NTN1: variants seen among roughly 807,000 people sequenced by gnomAD.
The protein encoded by NTN1 is netrin 1.
Under a neutral mutation model 54.2 loss-of-function variants are expected in NTN1, and 11 were observed. The ratio of observed to expected loss-of-function variants is 0.20; its 90% confidence interval spans 0.13 to 0.34. The LOEUF (loss-of-function observed/expected upper bound fraction) is 0.34. Among genes scored for constraint, NTN1 ranks in the 10% least tolerant of loss-of-function variants. The pLI, the probability that NTN1 is intolerant of heterozygous loss-of-function variation, is 1.00. For synonymous variants in NTN1, 371 were observed against 382.0 expected (o/e 0.97, Z 0.33); for missense variants, 740 against 893.1 (o/e 0.83, Z 2.18).
chr17:9,089,718 T>G (rs1411577224), intron 2 of NTN1, among the ~76,000 whole-genome samples: 1 of 152,108 alleles, frequency 6.6e-6, no homozygotes, highest in East Asian at 1.9e-4. Context: ...CTACCTCTGC[T>G]CATCCCAAAC....
chr17:9,181,023 G>C (rs2092417651), intron 4 of NTN1, among the ~76,000 whole-genome samples: 1 of 152,216 alleles, frequency 6.6e-6, no homozygotes, highest in Admixed American at 6.5e-5. Flanking sequence ...GGAGTTCTCA[G>C]GTTGCTCAGA....
chr17:9,111,997 A>G (rs1055140725), intron 2 of NTN1, among the ~76,000 whole-genome samples: 1 of 152,244 alleles, frequency 6.6e-6, no homozygotes, highest in African/African-American at 2.4e-5. Context: ...TCAGTGGTCA[A>G]CGGCCATTGT....
At chr17:9,180,088 G>C in intron 4 of NTN1, 132 bp downstream of exon 4, 1 of 956,214 alleles carries the variant, frequency 1.0e-6, no homozygotes, top group Non-Finnish European at 1.5e-6. Context: ...GCCCAGGCTG[G>C]AGTGCAGTGG....
intron 6 of NTN1, among the ~76,000 whole-genome samples, chr17:9,238,711 T>G (rs187521309): frequency 6.6e-6 from 1 of 152,374 alleles, no homozygotes; most frequent in African/African-American, 2.4e-5. Flanking sequence ...TTTCACAAAC[T>G]TACTAGAGCA....
chr17:9,072,284 G>A (rs1255147968), intron 2 of NTN1, among the ~76,000 whole-genome samples: 12 of 146,424 alleles, frequency 8.2e-5, no homozygotes, highest in Admixed American at 6.2e-4. Flanking sequence ...CACCACACCC[G>A]TGGACTGTCT....
chr17:9,227,460 T>A (rs1905617430), intron 6 of NTN1, among the ~76,000 whole-genome samples: 1 of 139,054 alleles, frequency 7.2e-6, no homozygotes. Flanking sequence ...ACACAGACTG[T>A]CACACACAGT....
At chr17:9,038,220 TGTGTCTCTCTCTC>T (rs2091909290) in intron 2 of NTN1, among the ~76,000 whole-genome samples, 1 of 115,400 alleles carries the variant, frequency 8.7e-6, no homozygotes, top group African/African-American at 3.5e-5. Flanking sequence ...TCTCTCTCTC[TGTGTCTCTCTCTC>T]TTTCTCTGTC....
At chr17:9,187,840 AAG>A in intron 5 of NTN1, among the ~76,000 whole-genome samples, 1 of 149,300 alleles carries the variant, frequency 6.7e-6, no homozygotes, top group East Asian at 2.0e-4. Context: ...CAAAAAAAAA[AAG>A]AAATGAAGTT....
intron 3 of NTN1, among the ~76,000 whole-genome samples, chr17:9,166,956 T>G (rs2092375134): frequency 2.0e-5 from 3 of 152,148 alleles, no homozygotes; most frequent in Admixed American, 2.0e-4. Context: ...TTCCAAACAT[T>G]ACTATGTAGT....
intron 2 of NTN1, among the ~76,000 whole-genome samples, chr17:9,140,005 G>A (rs2092292929): frequency 1.3e-5 from 2 of 151,618 alleles, no homozygotes; most frequent in South Asian, 4.2e-4. Flanking sequence ...CTTACTCTGT[G>A]GTCCACTCTT....
At chr17:9,204,928 A>ATTTTTT (rs148063994) in intron 5 of NTN1, among the ~76,000 whole-genome samples, 3 of 145,526 alleles carry the variant, frequency 2.1e-5, no homozygotes, top group Non-Finnish European at 3.0e-5. Context: ...GTCAACCCTC[A>ATTTTTT]TTTTTTTTTT....
In NTN1 at chr17:9,239,913, G is replaced by A. The variant is rs1353610676; in HGVS notation, c.1760G>A (p.Arg587Gln). 6.2e-7 allele frequency: 1 copy of A among 1,604,700 alleles called. No homozygotes were observed. Among genetic ancestry groups the A allele is most frequent in the Non-Finnish European group, 8.5e-7 (1 of 1,176,534 alleles). Residue 587 changes from arginine to glutamine, a missense_variant, in exon 7 of 7, where the codon CGG becomes CAG. Physicochemically the swap from Arg to Gln is conservative, Grantham distance 43. Transcript: ENST00000173229. The surrounding 1 kb of genome is among the most constrained non-coding windows in gnomAD (Gnocchi z 5.2). ...ATCCAGTGGCGGGACACGTGGGCGCGGCGGCTGCGCAAGTTCCAGCAGCGT... is the reference window on the plus strand; with the variant it reads ...ATCCAGTGGCGGGACACGTGGGCGCAGCGGCTGCGCAAGTTCCAGCAGCGT... ...LVIQWRDTWA[R>Q]RLRKFQQREK...
At chr17:9,097,904 TAA>T (rs1419234593) in intron 2 of NTN1, among the ~76,000 whole-genome samples, 7 of 152,134 alleles carry the variant, frequency 4.6e-5, no homozygotes, top group Non-Finnish European at 7.4e-5. Flanking sequence ...CATGTAAATA[TAA>T]GTCTTTGTTC....
At chr17:9,083,699 T>C (rs1304155841) in intron 2 of NTN1, among the ~76,000 whole-genome samples, 1 of 152,136 alleles carries the variant, frequency 6.6e-6, no homozygotes, top group Non-Finnish European at 1.5e-5. Flanking sequence ...CAAAGGATGA[T>C]ATTGAGACCA....
intron 2 of NTN1, among the ~76,000 whole-genome samples, chr17:9,035,667 C>T (rs1041166207): frequency 2.0e-5 from 3 of 152,344 alleles, no homozygotes; most frequent in South Asian, 4.1e-4. Context: ...CCTCCTGCTT[C>T]AGCCTCCTGA....
chr17:9,096,096 C>T (rs1045183177), intron 2 of NTN1, among the ~76,000 whole-genome samples: 4 of 151,968 alleles, frequency 2.6e-5, no homozygotes, highest in South Asian at 2.1e-4. Flanking sequence ...TGCTTCCAGC[C>T]AAATCTTTAT....
intron 2 of NTN1, among the ~76,000 whole-genome samples, chr17:9,159,758 G>A (rs1175127634): frequency 2.6e-5 from 4 of 152,086 alleles, no homozygotes; most frequent in East Asian, 3.9e-4. Flanking sequence ...CCAAGATCAC[G>A]CCACTGCACT....
chr17:9,161,402 A>T (rs1480206403), intron 2 of NTN1, among the ~76,000 whole-genome samples: 1 of 152,188 alleles, frequency 6.6e-6, no homozygotes, highest in African/African-American at 2.4e-5. Flanking sequence ...AGGACGAGAC[A>T]GGACCAGCTT....
At chr17:9,182,642 G>C (rs1037816419) in intron 4 of NTN1, among the ~76,000 whole-genome samples, 2 of 152,178 alleles carry the variant, frequency 1.3e-5, no homozygotes, top group Non-Finnish European at 2.9e-5. Flanking sequence ...CCAGGGGGTG[G>C]GGGCAAGGCC....
Sources: allele counts gnomAD v4.1 joint callset (sites outside exome capture counted in the v4.1 genomes callset), GRCh38; gene constraint gnomAD v4.1.1; non-coding constraint Gnocchi (gnomAD v3.1); transcripts MANE v1.5; gene names NCBI Gene and HGNC (gene_info 2026-07-23, HGNC 2026-07-21).